PDGFD: variants seen among roughly 807,000 people sequenced by gnomAD.
PDGFD encodes platelet-derived growth factor D.
Under a neutral mutation model 44.7 loss-of-function variants are expected in PDGFD, and 30 were observed. The observed-to-expected ratio is 0.67, with a 90% CI of 0.50 to 0.91. PDGFD has a LOEUF of 0.91. PDGFD is among the 40% of genes least tolerant of loss of function. The probability of loss-of-function intolerance (pLI) is 0.00; values close to 1 mark genes in which losing one functional copy is unlikely to be tolerated. For missense variants in PDGFD, 445 were observed against 457.8 expected, an observed-to-expected ratio of 0.97 and a Z score of 0.25; for synonymous variants, 173 against 168.4, an observed-to-expected ratio of 1.03 and a Z score of -0.21.
At chr11:104,126,354 C>T (rs1861841001) in intron 1 of PDGFD, among the ~76,000 whole-genome samples, 1 of 152,060 alleles carries the variant, frequency 6.6e-6, no homozygotes, top group Non-Finnish European at 1.5e-5. Context: ...ATACTGGGAC[C>T]CCATAAGCAG....
At chr11:103,985,161 TATATA>T (rs1184193523) in intron 3 of PDGFD, among the ~76,000 whole-genome samples, 2 of 141,762 alleles carry the variant, frequency 1.4e-5, no homozygotes, top group Non-Finnish European at 3.0e-5. Context: ...ATTTATTTAA[TATATA>T]ATATATTAAT....
intron 1 of PDGFD, among the ~76,000 whole-genome samples, chr11:104,061,056 T>C (rs574351748): frequency 8.4e-4 from 128 of 152,282 alleles, no homozygotes; most frequent in Middle Eastern, 3.4e-3. Context: ...TCTCCGTCTA[T>C]GAATTTGCAT....
intron 3 of PDGFD, among the ~76,000 whole-genome samples, chr11:103,966,550 T>C (rs1389733107): frequency 6.6e-6 from 1 of 152,206 alleles, no homozygotes; most frequent in Non-Finnish European, 1.5e-5. Flanking sequence ...AGCGCTGCAT[T>C]ATCCTCTGCC....
At chr11:103,925,789 C>T (rs552186082) in intron 6 of PDGFD, among the ~76,000 whole-genome samples, 5 of 148,962 alleles carry the variant, frequency 3.4e-5, no homozygotes, top group Non-Finnish European at 4.5e-5. Flanking sequence ...AGTGCAATGG[C>T]GCGATCTCAG....
chr11:104,130,871 T>C (rs1325084433), intron 1 of PDGFD, among the ~76,000 whole-genome samples: 3 of 152,190 alleles, frequency 2.0e-5, no homozygotes, highest in Admixed American at 6.5e-5. Context: ...TATATTTCAT[T>C]GAATCAAAAA....
chr11:104,068,210 C>A (rs971467205), intron 1 of PDGFD, among the ~76,000 whole-genome samples: 1 of 152,050 alleles, frequency 6.6e-6, no homozygotes, highest in Admixed American at 6.6e-5. Flanking sequence ...TCGATGTCTC[C>A]ATTACAGAGT....
At chr11:104,157,198 G>A (rs551096389) in intron 1 of PDGFD, among the ~76,000 whole-genome samples, 1 of 152,280 alleles carries the variant, frequency 6.6e-6, no homozygotes, top group South Asian at 2.1e-4. Flanking sequence ...GTACCTCAGG[G>A]ATATCATGAG....
At chr11:104,140,807 G>C (rs894976201) in intron 1 of PDGFD, among the ~76,000 whole-genome samples, 22 of 152,088 alleles carry the variant, frequency 1.4e-4, no homozygotes, top group African/African-American at 5.3e-4. Flanking sequence ...CACACATTTA[G>C]ACTTTTCTTC....
At chr11:104,069,944 C>T (rs1051657153) in intron 1 of PDGFD, among the ~76,000 whole-genome samples, 1 of 152,200 alleles carries the variant, frequency 6.6e-6, no homozygotes, top group African/African-American at 2.4e-5. Context: ...AGACCTTTCC[C>T]AGTATGGGCT....
intron 1 of PDGFD, among the ~76,000 whole-genome samples, chr11:104,118,777 T>C (rs1297404651): frequency 2.0e-4 from 22 of 112,488 alleles, no homozygotes; most frequent in African/African-American, 7.2e-4. Flanking sequence ...TATTAATATA[T>C]AATATATTAT....
intron 1 of PDGFD, among the ~76,000 whole-genome samples, chr11:104,114,297 AT>A (rs893210768): frequency 2.7e-5 from 4 of 146,898 alleles, no homozygotes; most frequent in Middle Eastern, 3.6e-3. Flanking sequence ...GTGTAGATTC[AT>A]TTTTTTTTCT....
At chr11:104,160,118 G>A (rs560231396) in intron 1 of PDGFD, among the ~76,000 whole-genome samples, 2 of 152,238 alleles carry the variant, frequency 1.3e-5, no homozygotes, top group East Asian at 3.9e-4. Flanking sequence ...AAGTCAGTGT[G>A]CTATCATCAA....
At chr11:103,921,328 C>T (rs1395461520) in intron 6 of PDGFD, among the ~76,000 whole-genome samples, 1 of 152,098 alleles carries the variant, frequency 6.6e-6, no homozygotes, top group Admixed American at 6.5e-5. Context: ...AAGGAAAACT[C>T]CTTGCGCGAA....
At chr11:104,144,946 T>C (rs1222954999) in intron 1 of PDGFD, among the ~76,000 whole-genome samples, 2 of 152,222 alleles carry the variant, frequency 1.3e-5, no homozygotes, top group Non-Finnish European at 2.9e-5. Context: ...TGTAGTAAGA[T>C]ACAACTTTTA....
At chr11:103,960,982 T>C (rs1858926924) in intron 3 of PDGFD, among the ~76,000 whole-genome samples, 1 of 152,190 alleles carries the variant, frequency 6.6e-6, no homozygotes, top group Non-Finnish European at 1.5e-5. Context: ...AGAGTGGAGA[T>C]TAGGATTTCA....
intron 3 of PDGFD, among the ~76,000 whole-genome samples, chr11:103,968,526 T>C (rs1162638482): frequency 1.3e-5 from 2 of 152,146 alleles, no homozygotes; most frequent in Non-Finnish European, 2.9e-5. Context: ...TACACCTGAA[T>C]ATCAAAGTAA....
chr11:103,940,061 C>T (rs973802207), intron 5 of PDGFD, among the ~76,000 whole-genome samples: 1 of 151,724 alleles, frequency 6.6e-6, no homozygotes, highest in African/African-American at 2.4e-5. Flanking sequence ...TCTGTTTCCT[C>T]TCTCTCTCTT....
At chr11:104,102,066 A>C (rs1010415889) in intron 1 of PDGFD, among the ~76,000 whole-genome samples, 4 of 152,208 alleles carry the variant, frequency 2.6e-5, no homozygotes, top group Non-Finnish European at 5.9e-5. Context: ...CAAAAGCCAA[A>C]ATTGACAAAT....
chr11:103,949,813 A>G (rs1858721998), intron 3 of PDGFD, among the ~76,000 whole-genome samples: 1 of 152,154 alleles, frequency 6.6e-6, no homozygotes, highest in South Asian at 2.1e-4. Flanking sequence ...CTGGGGAGAA[A>G]GTGGGCTTGA....
Sources: allele counts gnomAD v4.1 joint callset (sites outside exome capture counted in the v4.1 genomes callset), GRCh38; gene constraint gnomAD v4.1.1; transcripts MANE v1.5; gene names NCBI Gene and HGNC (gene_info 2026-07-23, HGNC 2026-07-21).